TIAM1: variants seen among roughly 807,000 people sequenced by gnomAD.
The protein encoded by TIAM1 is TIAM Rac1 associated GEF 1, also known as rho guanine nucleotide exchange factor TIAM1.
Under a neutral mutation model 163.5 loss-of-function variants are expected in TIAM1, and 65 were observed. The observed-to-expected ratio is 0.40, with a 90% confidence interval of 0.33 to 0.49. The LOEUF is 0.49. TIAM1 is among the 20% of genes least tolerant of loss of function. TIAM1 has a pLI of 0.77. For synonymous variants in TIAM1, 833 were observed against 810.1 expected (o/e 1.03, Z -0.48); for missense variants, 1,789 against 2,044.7 (o/e 0.87, Z 2.41).
Position 31,480,910 on chromosome 21 carries a change from C to A in TIAM1, c.-421-16875G>T, listed in dbSNP as rs12483246. Among the ~76,000 whole-genome samples the A allele has an allele frequency of 4.0e-3, 602 of 152,248 alleles. 4 individuals are homozygous for A. Among genetic ancestry groups the A allele is most frequent in the African/African-American group, 0.013 (558 of 41,552 alleles). On this transcript the variant is annotated intron_variant, in intron 1 of 28. Transcript: ENST00000286827. ...CTGTGATTACAGACATGAGCCCCCACGCCCAACTAATTTTTTTGTATTTTT... is the reference window on the plus strand; with the variant it reads ...CTGTGATTACAGACATGAGCCCCCAAGCCCAACTAATTTTTTTGTATTTTT...
chr21:31,376,090 T>C (rs115262032), intron 2 of TIAM1, among the ~76,000 whole-genome samples: 101 of 152,262 alleles, frequency 6.6e-4, no homozygotes, highest in African/African-American at 2.2e-3. Context: ...TTGCTATGTA[T>C]ATGCTTAAGG....
chr21:31,280,984 G>A (rs1400739667), intron 2 of TIAM1, among the ~76,000 whole-genome samples: 1 of 150,784 alleles, frequency 6.6e-6, no homozygotes, highest in Non-Finnish European at 1.5e-5. Flanking sequence ...GGGTGTGGTG[G>A]CGTATGTGTA....
At chr21:31,306,315 G>A (rs191839025) in intron 2 of TIAM1, among the ~76,000 whole-genome samples, 1 of 151,810 alleles carries the variant, frequency 6.6e-6, no homozygotes, top group East Asian at 1.9e-4. Context: ...AATACTACTA[G>A]CAGATTATAA....
rs1483926396 is a variant in TIAM1, at chr21:31,251,832, C to T, written c.1321G>A (p.Ala441Thr). The change falls in exon 5 of 28, where the codon GCC (alanine) becomes ACC (threonine). Residue 441 changes from alanine to threonine, a missense_variant. This residue lies in a region of TIAM1 where 456 missense variants were observed against 586.6 expected (regional missense o/e 0.78). Transcript: ENST00000541036. ...QGTVRKAGAL[A>T]VKNFLVHKKN... ...TTGTGCACCAGGAAGTTCTTGACGG[C>T]CAGGGCGCCGGCCTTGCGCACCGTG... 6.2e-7 allele frequency: 1 copy of T among 1,613,614 alleles called. No individual in the cohort carries two copies.
intron 11 of TIAM1, among the ~76,000 whole-genome samples, chr21:31,204,313 G>A (rs574823408): frequency 1.1e-4 from 17 of 152,096 alleles, no homozygotes; most frequent in East Asian, 1.9e-4. Context: ...TGAGTAAATC[G>A]ATAAAACTTA....
chr21:31,431,712 A>T (rs577294370), intron 2 of TIAM1, among the ~76,000 whole-genome samples: 11 of 152,266 alleles, frequency 7.2e-5, no homozygotes, highest in East Asian at 1.9e-4. Context: ...CAGATGGTAC[A>T]GCCTTTTGCT....
chr21:31,286,718 A>AG, intron 2 of TIAM1, among the ~76,000 whole-genome samples: 1 of 152,210 alleles, frequency 6.6e-6, no homozygotes, highest in Non-Finnish European at 1.5e-5. Context: ...GTCTCAACAA[A>AG]TTGTGTGTGT....
At chr21:31,272,324 G>C (rs943076396) in intron 3 of TIAM1, among the ~76,000 whole-genome samples, 2 of 152,084 alleles carry the variant, frequency 1.3e-5, no homozygotes, top group African/African-American at 2.4e-5. Flanking sequence ...GTTGGGGACT[G>C]TCTATACATA....
chr21:31,345,323 A>C (rs2076127468), upstream of TIAM1, among the ~76,000 whole-genome samples: 1 of 152,102 alleles, frequency 6.6e-6, no homozygotes. Context: ...AAAACCCAAC[A>C]TTCATTAAAG....
chr21:31,391,646 C>T (rs148511098), intron 2 of TIAM1, among the ~76,000 whole-genome samples: 54 of 152,072 alleles, frequency 3.6e-4, no homozygotes, highest in African/African-American at 1.2e-3. Flanking sequence ...AACAAAACAA[C>T]GGAAAGTCTA....
intron 9 of TIAM1, 119 bp downstream of exon 9, chr21:31,217,434 T>C: frequency 3.6e-6 from 5 of 1,375,348 alleles, no homozygotes; most frequent in Non-Finnish European, 5.0e-6. Flanking sequence ...AGTTTCTTTG[T>C]GCCAACTAGT....
chr21:31,271,811 A>G (rs544780252), intron 3 of TIAM1, among the ~76,000 whole-genome samples: 1 of 152,338 alleles, frequency 6.6e-6, no homozygotes, highest in South Asian at 2.1e-4. Context: ...GGGTCAAAGC[A>G]TCAGGAGTTC....
At position 31,393,332 on chromosome 21, in the gene TIAM1, A is replaced by ATTT; in HGVS notation, c.-368-53911_-368-53910insAAA. Among the ~76,000 whole-genome samples, 3 of 152,334 alleles carry ATTT rather than the reference A, an allele frequency of 2.0e-5. No homozygotes were observed. In the South Asian group the frequency reaches 6.2e-4, roughly 32 times the overall value. On this transcript the variant is annotated intron_variant, in intron 2 of 28. Coordinates refer to the TIAM1 transcript ENST00000286827. ...CCGATTAACACAGTACTTTGCCAGA[A>ATTT]TTATTAAAAATGAAAAACGAATGCA...
chr21:31,189,230 A>G lies in TIAM1; in HGVS notation c.2576-2143T>C, dbSNP rs143513458. Reference sequence around the variant, plus strand: ...CCACCACACTCAGCTAATTTTTCTAATTTTGGTAGAGATGGGGTTCCGTCA... The same window carrying G: ...CCACCACACTCAGCTAATTTTTCTAGTTTTGGTAGAGATGGGGTTCCGTCA... On this transcript the variant is annotated intron_variant, in intron 13 of 27. Transcript: ENST00000541036. Among the ~76,000 whole-genome samples, 9 of 150,086 alleles carry G rather than the reference A, an allele frequency of 6.0e-5. No individual in the cohort carries two copies. The East Asian group carries it at 1.8e-3, about 30-fold the overall frequency.
chr21:31,329,699 C>G (rs1425580741), intron 2 of TIAM1, among the ~76,000 whole-genome samples: 2 of 152,172 alleles, frequency 1.3e-5, no homozygotes, highest in African/African-American at 4.8e-5. Flanking sequence ...CTTAGAGTAT[C>G]AGAGCCTCCT....
At chr21:31,380,740 T>C (rs925875583) in intron 2 of TIAM1, among the ~76,000 whole-genome samples, 4 of 152,194 alleles carry the variant, frequency 2.6e-5, no homozygotes, top group South Asian at 2.1e-4. Flanking sequence ...ACCCTACTTT[T>C]TTTAGTTCAT....
intron 1 of TIAM1, among the ~76,000 whole-genome samples, chr21:31,521,910 C>T (rs2147497155): frequency 6.6e-6 from 1 of 152,196 alleles, no homozygotes; most frequent in Non-Finnish European, 1.5e-5. Flanking sequence ...CTCTCTCTGT[C>T]GCCCAGGCTG....
intron 11 of TIAM1, among the ~76,000 whole-genome samples, chr21:31,207,069 C>T (rs1043285989): frequency 2.0e-5 from 3 of 152,114 alleles, no homozygotes; most frequent in African/African-American, 7.2e-5. Flanking sequence ...GTAGTAAAAG[C>T]ATGAAATAAA....
chr21:31,288,879 C>T (rs968196391), intron 2 of TIAM1, among the ~76,000 whole-genome samples: 1 of 152,170 alleles, frequency 6.6e-6, no homozygotes, highest in African/African-American at 2.4e-5. Context: ...GATGCCTCAG[C>T]CTTGGCATCA....
Sources: gnomAD v4.1 joint callset for allele counts (sites outside exome capture counted in the v4.1 genomes callset) on GRCh38, gnomAD v4.1.1 for gene constraint, gnomAD v4.1.1 regional missense constraint, MANE v1.5 for transcripts, NCBI Gene and HGNC (gene_info 2026-07-23, HGNC 2026-07-21) for gene names.